Variants in RUNX1 observed in about 807,000 individuals in gnomAD.
RUNX1 encodes the protein runt-related transcription factor 1.
In RUNX1, 19 loss-of-function variants were observed where a neutral mutation model predicts 42.8. The ratio of observed to expected loss-of-function variants is 0.44; its 90% CI spans 0.31 to 0.65. RUNX1 has a LOEUF of 0.65. Among genes scored for constraint, RUNX1 ranks in the 30% least tolerant of loss-of-function variants. The pLI is 0.07. For synonymous variants in RUNX1, 271 were observed against 289.4 expected (o/e 0.94, Z 0.64); for missense variants, 528 against 672.0 (o/e 0.79, Z 2.37).
chr21:34,883,109 G>A (rs2057930288), intron 4 of RUNX1, among the ~76,000 whole-genome samples: 1 of 152,138 alleles, frequency 6.6e-6, no homozygotes, highest in African/African-American at 2.4e-5. Flanking sequence ...ATCCTCATTG[G>A]TAATTTGGCA....
At chr21:35,030,542 A>G (rs1457834572) in intron 2 of RUNX1, among the ~76,000 whole-genome samples, 2 of 152,186 alleles carry the variant, frequency 1.3e-5, no homozygotes, top group African/African-American at 4.8e-5. Flanking sequence ...AAGTATAAAA[A>G]TTGCAAAGAT....
intron 7 of RUNX1, among the ~76,000 whole-genome samples, chr21:34,816,254 C>G (rs1239918137): frequency 6.6e-6 from 1 of 152,242 alleles, no homozygotes; most frequent in Non-Finnish European, 1.5e-5. Context: ...CTCATGCACC[C>G]CTTTCTCTGC....
chr21:34,815,944 C>T (rs1336018863), intron 7 of RUNX1, among the ~76,000 whole-genome samples: 2 of 151,998 alleles, frequency 1.3e-5, no homozygotes, highest in Non-Finnish European at 2.9e-5. Context: ...GTGATGAGGG[C>T]CAGAAAGCCA....
intron 2 of RUNX1, among the ~76,000 whole-genome samples, chr21:34,978,937 TACACACACACACAC>T (rs10673190): frequency 9.0e-5 from 12 of 134,054 alleles, no homozygotes; most frequent in South Asian, 2.5e-4. Context: ...CACACACAGA[TACACACACACACAC>T]ACACACACAC....
intron 2 of RUNX1, among the ~76,000 whole-genome samples, chr21:34,918,336 T>C (rs1343467785): frequency 2.6e-5 from 4 of 152,148 alleles, no homozygotes; most frequent in East Asian, 1.9e-4. Context: ...TTTGTGACAA[T>C]TGTCCCCTGG....
intron 5 of RUNX1, among the ~76,000 whole-genome samples, chr21:34,861,199 T>G (rs1343341078): frequency 6.6e-6 from 1 of 152,210 alleles, no homozygotes; most frequent in African/African-American, 2.4e-5. Flanking sequence ...TCAGATGTTA[T>G]CAGGCGACAC....
rs971186684 is a variant in RUNX1, at chr21:34,907,424, T to C, written c.59-14461A>G. On this transcript the variant is annotated intron_variant, in intron 2 of 8. Transcript: ENST00000675419. The surrounding 1 kb of genome is among the most constrained non-coding windows in gnomAD (Gnocchi z 5.3). The stretch of plus-strand genomic sequence containing the variant: ...ACTGGAAAATAGAGTGCTTCATCAG[T>C]AGTAAGGGTGAATACTGCTTCCTGA... Among the ~76,000 whole-genome samples the C allele has an allele frequency of 6.6e-6, 1 of 152,158 alleles. No individual in the cohort carries two copies. Among genetic ancestry groups the C allele is most frequent in the Non-Finnish European group, 1.5e-5 (1 of 68,022 alleles).
At chr21:34,966,546 C>A (rs1325535227) in intron 2 of RUNX1, among the ~76,000 whole-genome samples, 5 of 152,124 alleles carry the variant, frequency 3.3e-5, no homozygotes, top group Admixed American at 3.3e-4. Flanking sequence ...ACCCACACCC[C>A]CTCATTGACT....
intron 6 of RUNX1, among the ~76,000 whole-genome samples, chr21:34,848,807 G>C (rs1484441034): frequency 1.3e-5 from 2 of 152,058 alleles, no homozygotes. Flanking sequence ...ACGTGGCTCC[G>C]CATATTTCTC....
rs992768586 is a variant in RUNX1, at chr21:34,792,031, G to A, written c.*104C>T. ...CCCTCGGCCCCAGGACGGTGGCCGG[G>A]CCCAGGGCCCGGGATCCCGGCGGGC... On this transcript the variant is annotated 3_prime_UTR_variant, in exon 9 of 9. Coordinates refer to ENST00000675419, the MANE Select transcript of RUNX1 (RefSeq NM_001754.5). This position sits in a 1 kb window ranked among gnomAD's most constrained non-coding sequence, Gnocchi z 6.9. The A allele has an allele frequency of 1.8e-5, 13 of 728,684 alleles. No individual in the cohort carries two copies. The highest frequency in any genetic ancestry group is 2.2e-5 in the Non-Finnish European group (11 of 497,358). 45.1% of individuals were successfully genotyped at this position (728,684 alleles called of 1,614,324 possible).
At position 34,834,526 on chromosome 21, in the gene RUNX1, T is replaced by A; in HGVS notation, c.689A>T (p.Gln230Leu). 6.2e-7 allele frequency: 1 copy of A among 1,612,768 alleles called. No individual in the cohort carries two copies. Among genetic ancestry groups the A allele is most frequent in the Non-Finnish European group, 8.5e-7 (1 of 1,179,944 alleles). The change falls in exon 7 of 9, where the codon CAG becomes CTG. Residue 230 changes from glutamine (Q) to leucine (L), a missense_variant. This residue lies in a region of RUNX1 where 331 missense variants were observed against 382.5 expected (regional missense o/e 0.87). Coordinates refer to ENST00000675419, the MANE Select transcript of RUNX1 (RefSeq NM_001754.5). ...GACCCTCATGGCTGTGCGCCGCAGCTGCTCCAGTTCACTGAGCCGCTCGGA... is the reference window on the plus strand; with the variant it reads ...GACCCTCATGGCTGTGCGCCGCAGCAGCTCCAGTTCACTGAGCCGCTCGGA... ...SFSERLSELE[Q>L]LRRTAMRVSP...
chr21:34,978,167 T>C (rs1428996416), intron 2 of RUNX1, among the ~76,000 whole-genome samples: 1 of 152,200 alleles, frequency 6.6e-6, no homozygotes, highest in South Asian at 2.1e-4. Context: ...CTCGATCTCC[T>C]GACCTCATGA....
chr21:35,019,180 A>G (rs1244544473), intron 2 of RUNX1, among the ~76,000 whole-genome samples: 2 of 152,178 alleles, frequency 1.3e-5, no homozygotes, highest in Non-Finnish European at 2.9e-5. Flanking sequence ...TGATCCACTC[A>G]TCGTCCTCAA....
chr21:34,799,113 C>T (rs1412363533), intron 8 of RUNX1, among the ~76,000 whole-genome samples, 188 bp downstream of exon 8: 2 of 152,248 alleles, frequency 1.3e-5, no homozygotes, highest in Non-Finnish European at 2.9e-5. Flanking sequence ...TCTGCCTTCA[C>T]ATCCACAATC....
intron 2 of RUNX1, among the ~76,000 whole-genome samples, chr21:34,953,342 C>G (rs1345477881): frequency 6.6e-6 from 1 of 152,178 alleles, no homozygotes; most frequent in East Asian, 1.9e-4. Flanking sequence ...CATTTCCCAT[C>G]ATTTCATGTA....
rs565650023 is a variant in RUNX1 at position 34,879,893 on chromosome 21, G to A, written c.508+664C>T. Among the ~76,000 whole-genome samples the A allele has an allele frequency of 8.9e-4, 135 of 152,292 alleles. 1 individual carries two copies. In the South Asian group the frequency reaches 0.013, roughly 14 times the overall value. ...AAATAAAATCACACATGGAGCTGAA[G>A]TAATGCAACAATTTCTTGGATAATC... is the stretch of plus-strand genomic sequence containing the variant. On this transcript the variant is annotated intron_variant, in intron 5 of 8. Transcript: ENST00000675419.
intron 2 of RUNX1, among the ~76,000 whole-genome samples, chr21:35,046,941 G>A (rs16992703): frequency 0.048 from 7,283 of 152,066 alleles, 422 homozygotes; most frequent in African/African-American, 0.13. Context: ...CTAACCTAGC[G>A]CAGGTCAGCT....
intron 2 of RUNX1, among the ~76,000 whole-genome samples, chr21:35,039,098 T>A (rs1163563987): frequency 6.6e-6 from 1 of 152,254 alleles, no homozygotes; most frequent in Non-Finnish European, 1.5e-5. Flanking sequence ...CAGGGATTCA[T>A]ATACATTGCC....
chr21:34,823,014 A>AT (rs2056931283), intron 7 of RUNX1, among the ~76,000 whole-genome samples: 1 of 152,254 alleles, frequency 6.6e-6, no homozygotes, highest in East Asian at 1.9e-4. Context: ...CTGGCACAGC[A>AT]TAAGCTCTCT....
Sources: allele counts gnomAD v4.1 joint callset (sites outside exome capture counted in the v4.1 genomes callset), GRCh38; gene constraint gnomAD v4.1.1; regional missense constraint gnomAD v4.1.1; non-coding constraint Gnocchi (gnomAD v3.1); transcripts MANE v1.5; gene names NCBI Gene and HGNC (gene_info 2026-07-23, HGNC 2026-07-21).